The following COL23A1 variants were observed in gnomAD, a reference collection of about 807,000 sequenced individuals.
COL23A1 encodes collagen type XXIII alpha 1 chain.
In COL23A1, 97 loss-of-function variants were observed where a neutral mutation model predicts 99.3. The ratio of observed to expected loss-of-function variants is 0.98; its 90% CI spans 0.83 to 1.16. The LOEUF is 1.16. COL23A1 is among the 50% of genes most tolerant of loss of function. COL23A1 has a pLI of 0.00. For missense variants in COL23A1, 762 were observed against 757.4 expected, an observed-to-expected ratio of 1.01 and a Z score of -0.07; for synonymous variants, 320 against 308.2, an observed-to-expected ratio of 1.04 and a Z score of -0.40.
At chr5:178,443,968 G>C (rs1256634587) in intron 2 of COL23A1, among the ~76,000 whole-genome samples, 1 of 152,026 alleles carries the variant, frequency 6.6e-6, no homozygotes, top group African/African-American at 2.4e-5. Context: ...TTGGGAGGCT[G>C]AGGCAGGTGG....
intron 2 of COL23A1, among the ~76,000 whole-genome samples, chr5:178,540,591 T>C (rs1761232138): frequency 6.6e-6 from 1 of 152,194 alleles, no homozygotes; most frequent in Non-Finnish European, 1.5e-5. Flanking sequence ...TGTCACTCTG[T>C]CTAAATTAAT....
chr5:178,335,121 T>C (rs1760249614), intron 2 of COL23A1, among the ~76,000 whole-genome samples: 2 of 152,094 alleles, frequency 1.3e-5, no homozygotes. Context: ...TAACGGGAAG[T>C]TGAGGAGGGC....
At chr5:178,246,783 C>T (rs537133452) in intron 22 of COL23A1, among the ~76,000 whole-genome samples, 2 of 152,326 alleles carry the variant, frequency 1.3e-5, no homozygotes, top group Admixed American at 1.3e-4. Context: ...GCTGGGTCCC[C>T]ATCAGGCTTC....
Position 178,549,725 on chromosome 5 carries a change from G to A in COL23A1, c.361+10957C>T, listed in dbSNP as rs1170394261. Among the ~76,000 whole-genome samples, 5 of 152,182 alleles carry A rather than the reference G, an allele frequency of 3.3e-5. No homozygotes were observed. The East Asian group carries it at 7.7e-4, about 23-fold the overall frequency. On this transcript the variant is annotated intron_variant, in intron 2 of 28. Transcript: ENST00000390654. ...AGCTACGTGAGAAGCTGAGGCAGGA[G>A]AATCGCTTGAATCCGGGAGGCAGAG... is the stretch of plus-strand genomic sequence containing the variant.
intron 13 of COL23A1, among the ~76,000 whole-genome samples, chr5:178,257,146 A>G (rs1765350472): frequency 1.3e-5 from 2 of 152,090 alleles, no homozygotes; most frequent in Admixed American, 6.5e-5. Context: ...GGGCCTTGGC[A>G]CTTACTTGGG....
intron 2 of COL23A1, among the ~76,000 whole-genome samples, chr5:178,547,115 G>A (rs907573090): frequency 1.3e-5 from 2 of 152,164 alleles, no homozygotes; most frequent in Non-Finnish European, 2.9e-5. Context: ...AGGTAGAGAA[G>A]GCTTTTCAGG....
intron 2 of COL23A1, among the ~76,000 whole-genome samples, chr5:178,410,673 A>C (rs1417897530): frequency 1.3e-5 from 2 of 152,252 alleles, no homozygotes; most frequent in African/African-American, 2.4e-5. Flanking sequence ...AATTCTTAGA[A>C]GAAAACACAG....
At position 178,245,911 on chromosome 5, in the gene COL23A1, C is replaced by T. The variant is rs114664654; in HGVS notation, c.1440+31G>A. 5.4e-4 allele frequency: 872 copies of T among 1,613,424 alleles called. 7 individuals are homozygous for T. The African/African-American group carries it at 0.01, about 19-fold the overall frequency. ...GCAGAAGATACACACAAGAGGCACC[C>T]AATTACTCAAAGTGATGATAAGACA... On this transcript the variant is annotated intron_variant, in intron 25 of 28. Transcript: ENST00000390654.
At chr5:178,497,311 G>A (rs1562024607) in intron 2 of COL23A1, among the ~76,000 whole-genome samples, 1 of 152,316 alleles carries the variant, frequency 6.6e-6, no homozygotes, top group East Asian at 1.9e-4. Context: ...AACTGGGCTG[G>A]AATGTCCAGC....
At chr5:178,356,951 A>T (rs1305328212) in intron 2 of COL23A1, among the ~76,000 whole-genome samples, 1 of 152,212 alleles carries the variant, frequency 6.6e-6, no homozygotes, top group Non-Finnish European at 1.5e-5. Context: ...GCATAAAAAA[A>T]AGTCTAACAC....
At chr5:178,393,022 G>A (rs1374148988) in intron 2 of COL23A1, among the ~76,000 whole-genome samples, 2 of 152,194 alleles carry the variant, frequency 1.3e-5, no homozygotes, top group African/African-American at 2.4e-5. Flanking sequence ...ACTCAGGCAG[G>A]ACAAGAGCCC....
intron 2 of COL23A1, among the ~76,000 whole-genome samples, chr5:178,349,115 G>A (rs1207755253): frequency 6.6e-6 from 1 of 152,218 alleles, no homozygotes; most frequent in Non-Finnish European, 1.5e-5. Context: ...AGCACAGCGA[G>A]AACTCGGATG....
rs1581638982 is a variant in COL23A1 at position 178,560,553 on chromosome 5, G to T, written c.361+129C>A. The T allele has an allele frequency of 5.5e-6, 4 of 726,312 alleles. No homozygotes were observed. The East Asian group carries it at 1.1e-4, about 21-fold the overall frequency. The allele number at this position is 726,312 out of a possible 1,614,324, so 45.0% of individuals were successfully genotyped here. ...GCCAGGGTCAATGTGGGAAAGAAAG[G>T]CCCCAGGCCAGTGCACGAAGACGAC... is the stretch of plus-strand genomic sequence containing the variant. On this transcript the variant is annotated intron_variant, in intron 2 of 28. Coordinates refer to ENST00000390654, the MANE Select transcript of COL23A1 (RefSeq NM_173465.4).
chr5:178,253,042 T>A (rs1765116727), intron 16 of COL23A1, among the ~76,000 whole-genome samples: 1 of 150,322 alleles, frequency 6.7e-6, no homozygotes, highest in African/African-American at 2.5e-5. Context: ...CTGGCTCTGC[T>A]GCCTGCCATC....
At chr5:178,467,737 TAA>T (rs980964037) in intron 2 of COL23A1, among the ~76,000 whole-genome samples, 5 of 152,228 alleles carry the variant, frequency 3.3e-5, no homozygotes, top group Admixed American at 2.6e-4. Flanking sequence ...GACTCATTTT[TAA>T]AAGTTATTTT....
chr5:178,470,601 C>T (rs768519718), intron 2 of COL23A1, among the ~76,000 whole-genome samples: 4 of 152,150 alleles, frequency 2.6e-5, no homozygotes, highest in South Asian at 2.1e-4. Flanking sequence ...AGGTGCAAGA[C>T]AGGGAGGGGA....
chr5:178,240,127 G>A (rs1426619166), intron 27 of COL23A1, among the ~76,000 whole-genome samples: 1 of 152,178 alleles, frequency 6.6e-6, no homozygotes, highest in African/African-American at 2.4e-5. Flanking sequence ...TGCCCACCCA[G>A]GAGCCAGACA....
At chr5:178,288,451 C>T (rs6892747) in intron 4 of COL23A1, 101 bp from the exon 5 acceptor site, 209,107 of 1,014,536 alleles carry the variant, frequency 0.21, 24,510 homozygotes, top group East Asian at 0.44. Flanking sequence ...CGCCCCCCGA[C>T]AGCTGGTTGG....
intron 5 of COL23A1, among the ~76,000 whole-genome samples, chr5:178,273,417 C>G (rs919495386): frequency 6.6e-6 from 1 of 152,198 alleles, no homozygotes; most frequent in Non-Finnish European, 1.5e-5. Flanking sequence ...TGAGAAGCCC[C>G]GTCCGTGACA....
Sources: allele counts gnomAD v4.1 joint callset (sites outside exome capture counted in the v4.1 genomes callset), GRCh38; gene constraint gnomAD v4.1.1; transcripts MANE v1.5; gene names NCBI Gene and HGNC (gene_info 2026-07-23, HGNC 2026-07-21).